Variants in TSPAN11 observed in about 807,000 individuals in gnomAD.
The protein encoded by TSPAN11 is tetraspanin 11.
Under a neutral mutation model 32.9 loss-of-function variants are expected in TSPAN11, and 29 were observed. That is an observed-to-expected ratio of 0.88 (90% confidence interval 0.66 to 1.20). The LOEUF is 1.20. TSPAN11 is among the 50% of genes most tolerant of loss of function. TSPAN11 has a pLI of 0.00. For missense variants in TSPAN11, 283 were observed against 329.1 expected (o/e 0.86, Z 1.08); for synonymous variants, 140 against 141.3 (o/e 0.99, Z 0.07).
intron 7 of TSPAN11, chr12:30,986,644 G>C (rs1939206173): frequency 6.6e-6 from 1 of 152,228 alleles, no homozygotes; most frequent in South Asian, 2.1e-4. Context: ...CAGTGACCTT[G>C]AGACTGATGT....
chr12:30,968,002 A>G (rs569610121), intron 3 of TSPAN11, among the ~76,000 whole-genome samples: 1 of 152,156 alleles, frequency 6.6e-6, no homozygotes, highest in South Asian at 2.1e-4. Context: ...TAGGAATTTT[A>G]AAACCCAGGC....
At chr12:31,006,313 C>G in the TSPAN11 span, among the ~76,000 whole-genome samples, 100 of 152,362 alleles carry the variant, frequency 6.6e-4, 1 homozygote, top group African/African-American at 2.2e-3. Flanking sequence ...TGGTCCAGGC[C>G]TGATCAGTGC....
At chr12:30,978,861 G>A (rs1939028822) in intron 4 of TSPAN11, 1 of 547,562 alleles carries the variant, frequency 1.8e-6, no homozygotes, top group Admixed American at 3.1e-5. Flanking sequence ...GGGAGCTGGG[G>A]ACGGGGGCTT....
At chr12:30,984,900 G>A (rs967717551) in intron 7 of TSPAN11, among the ~76,000 whole-genome samples, 5 of 152,142 alleles carry the variant, frequency 3.3e-5, no homozygotes, top group Admixed American at 1.3e-4. Context: ...ACCCAGAGAG[G>A]TGACTTACCC....
In TSPAN11 at chr12:30,982,658, C is replaced by T. The variant is rs12302384; in HGVS notation, c.583C>T (p.Arg195Trp). The T allele has an allele frequency of 2.1e-5, 33 of 1,599,874 alleles. No individual in the cohort carries two copies. The highest frequency in any genetic ancestry group is 3.4e-5 in the Admixed American group (2 of 58,460). Residue 195 changes from arginine to tryptophan, a missense_variant, in exon 6 of 8, where the codon CGG becomes TGG. Arg to Trp is a moderately radical substitution (Grantham distance 101). Transcript: ENST00000546076. ...CKTVVVRCGQ[R>W]AHPSNIYKVE... is the part of the protein sequence containing the mutation. ...GACAGTGGTGGTGCGCTGCGGCCAG[C>T]GGGCCCACCCCTCCAACATCTATAA... is the stretch of plus-strand genomic sequence containing the variant.
At chr12:31,016,307 A>G in the TSPAN11 span, among the ~76,000 whole-genome samples, 2 of 152,166 alleles carry the variant, frequency 1.3e-5, no homozygotes, top group African/African-American at 4.8e-5. Flanking sequence ...GGGATGATGG[A>G]AAAGTCCTGG....
downstream of TSPAN11, among the ~76,000 whole-genome samples, chr12:30,998,445 G>A (rs1939445514): frequency 6.6e-6 from 1 of 152,248 alleles, no homozygotes; most frequent in Admixed American, 6.5e-5. Context: ...CCACCCATGG[G>A]AAGGAGAGGA....
In TSPAN11 at chr12:30,975,860, C is replaced by T. The variant is rs536862502; in HGVS notation, c.277-2701C>T. On this transcript the variant is annotated intron_variant, in intron 3 of 7. Transcript: ENST00000546076. The surrounding 1 kb of genome is among the most constrained non-coding windows in gnomAD (Gnocchi z 4.5). Reference sequence around the variant, plus strand: ...GTCAGGGGCACTCCATCACCTCTTCCTCCCATGCCCCAGAGGTCTCTGGGA... The same window carrying T: ...GTCAGGGGCACTCCATCACCTCTTCTTCCCATGCCCCAGAGGTCTCTGGGA... Among the ~76,000 whole-genome samples the T allele has an allele frequency of 2.6e-4, 39 of 152,310 alleles. No individual in the cohort carries two copies. Among genetic ancestry groups the T allele is most frequent in the African/African-American group, 8.4e-4 (35 of 41,566 alleles).
At chr12:30,978,120 A>G (rs865838170) in intron 3 of TSPAN11, among the ~76,000 whole-genome samples, 2 of 152,184 alleles carry the variant, frequency 1.3e-5, no homozygotes, top group African/African-American at 2.4e-5. Context: ...TTCAGTCCTT[A>G]AAGATGTTAC....
chr12:31,008,057 G>A, the TSPAN11 span, among the ~76,000 whole-genome samples: 2 of 151,658 alleles, frequency 1.3e-5, no homozygotes, highest in Non-Finnish European at 2.9e-5. Context: ...GGCCACACAG[G>A]GTCTCCCAGG....
At chr12:30,999,074 G>C (rs1939453306), downstream of TSPAN11, 1 of 152,164 alleles carries the variant, frequency 6.6e-6, no homozygotes, top group Non-Finnish European at 1.5e-5. Flanking sequence ...CAACACTTTG[G>C]GAAGCTGAGG....
chr12:30,941,881 C>T (rs1247385873), intron 1 of TSPAN11, among the ~76,000 whole-genome samples: 1 of 152,258 alleles, frequency 6.6e-6, no homozygotes, highest in Non-Finnish European at 1.5e-5. Context: ...GCTTCTCTCA[C>T]TCTACGGCAC....
At chr12:30,944,061 T>C (rs1938218776) in intron 1 of TSPAN11, among the ~76,000 whole-genome samples, 1 of 152,166 alleles carries the variant, frequency 6.6e-6, no homozygotes, top group Admixed American at 6.5e-5. Context: ...GAGTGGAGTC[T>C]AGCTTACCCC....
Position 30,978,768 on chromosome 12 carries a change from C to T in TSPAN11, c.351+133C>T. 2.5e-6 allele frequency: 2 copies of T among 808,020 alleles called. 1 individual carries two copies. Among genetic ancestry groups the T allele is most frequent in the East Asian group, 4.9e-5 (2 of 40,578 alleles). The allele number at this position is 808,020 out of a possible 1,614,324, so 50.1% of individuals were successfully genotyped here. The stretch of plus-strand genomic sequence containing the variant: ...GTCCTGTTTCCCAGGCCCCGGCAAT[C>T]CCCCTACATATCTGCATCCCAGCTG... On this transcript the variant is annotated intron_variant, in intron 4 of 7. Coordinates refer to ENST00000546076, the MANE Select transcript of TSPAN11 (RefSeq NM_001370302.1).
intron 7 of TSPAN11, among the ~76,000 whole-genome samples, chr12:30,987,801 G>A (rs1474152781): frequency 6.6e-6 from 1 of 152,218 alleles, no homozygotes; most frequent in East Asian, 1.9e-4. Context: ...GGGAGCAGAT[G>A]CAGCACCCTC....
At chr12:30,941,489 G>A (rs560241916) in intron 1 of TSPAN11, among the ~76,000 whole-genome samples, 1 of 152,248 alleles carries the variant, frequency 6.6e-6, no homozygotes, top group Admixed American at 6.5e-5. Flanking sequence ...AACCCAGTAA[G>A]GAGGGTAGTC....
intron 3 of TSPAN11, among the ~76,000 whole-genome samples, chr12:30,976,414 A>T (rs1427402452): frequency 1.3e-5 from 2 of 152,170 alleles, no homozygotes; most frequent in East Asian, 3.9e-4. Flanking sequence ...TAGAGCCAGC[A>T]TGTGGTGGAG....
rs181077469 is a variant in TSPAN11 at position 30,973,658 on chromosome 12, T to C, written c.277-4903T>C. 1.5e-3 allele frequency among the ~76,000 whole-genome samples: 230 copies of C among 152,234 alleles called. 1 individual carries two copies. Among genetic ancestry groups the C allele is most frequent in the African/African-American group, 4.2e-3 (175 of 41,544 alleles). ...TCCCTGCAGAGAATTCTGGGCTCTA[T>C]TGGTGGAGCGGGGGCCCTCTCTGGC... On this transcript the variant is annotated intron_variant, in intron 3 of 7. Transcript: ENST00000546076.
chr12:30,933,022 C>G (rs1323640889), intron 1 of TSPAN11, among the ~76,000 whole-genome samples: 1 of 152,174 alleles, frequency 6.6e-6, no homozygotes, highest in South Asian at 2.1e-4. Flanking sequence ...GGGAGAGCCC[C>G]TCTTTCCACC....
Sources: gnomAD v4.1 joint callset for allele counts (sites outside exome capture counted in the v4.1 genomes callset) on GRCh38, gnomAD v4.1.1 for gene constraint, Gnocchi (gnomAD v3.1) non-coding constraint, MANE v1.5 for transcripts, NCBI Gene and HGNC (gene_info 2026-07-23, HGNC 2026-07-21) for gene names.